Variants in MRPS21 observed in about 807,000 individuals in gnomAD.
MRPS21 encodes mitochondrial ribosomal protein S21.
In MRPS21, 8 loss-of-function variants were observed where a neutral mutation model predicts 9.9. The observed-to-expected ratio is 0.81, with a 90% confidence interval of 0.47 to 1.45. The LOEUF (loss-of-function observed/expected upper bound fraction) is 1.45. Among genes scored for constraint, MRPS21 ranks in the 40% most tolerant of loss-of-function variants. The pLI, the probability that MRPS21 is intolerant of heterozygous loss-of-function variation, is 0.00. For missense variants in MRPS21, 101 were observed against 118.9 expected, an observed-to-expected ratio of 0.85 and a Z score of 0.70; for synonymous variants, 40 against 40.3, an observed-to-expected ratio of 0.99 and a Z score of 0.03.
chr1:150,301,824 C>T (rs1366854173), intron 2 of MRPS21, among the ~76,000 whole-genome samples: 2 of 152,074 alleles, frequency 1.3e-5, no homozygotes, highest in Non-Finnish European at 2.9e-5. Flanking sequence ...TGGTCTCAAA[C>T]TCCTGACCTC....
chr1:150,298,169 A>G (rs1426967530), intron 2 of MRPS21, among the ~76,000 whole-genome samples: 1 of 152,152 alleles, frequency 6.6e-6, no homozygotes, highest in Non-Finnish European at 1.5e-5. Flanking sequence ...CCAACCTCAC[A>G]TGATCCACCC....
intron 2 of MRPS21, among the ~76,000 whole-genome samples, chr1:150,307,276 G>A (rs1654370241): frequency 2.7e-5 from 4 of 150,144 alleles, no homozygotes; most frequent in South Asian, 4.2e-4. Flanking sequence ...TCGAACTCCC[G>A]ACCTCAGGTG....
chr1:150,306,113 C>A (rs1553858479), intron 2 of MRPS21, among the ~76,000 whole-genome samples: 1 of 152,134 alleles, frequency 6.6e-6, no homozygotes, highest in Admixed American at 6.6e-5. Flanking sequence ...TTTTTTAGCA[C>A]CAGAGTGACA....
intron 2 of MRPS21, among the ~76,000 whole-genome samples, chr1:150,300,072 G>C (rs1253187218): frequency 2.6e-5 from 4 of 151,986 alleles, no homozygotes; most frequent in African/African-American, 9.7e-5. Flanking sequence ...GCTGGGCACA[G>C]TGACTCATGC....
intron 2 of MRPS21, among the ~76,000 whole-genome samples, chr1:150,300,677 C>T (rs1280494836): frequency 6.6e-6 from 1 of 152,174 alleles, no homozygotes; most frequent in Non-Finnish European, 1.5e-5. Context: ...AACACCCCCA[C>T]TCCTTCGAGT....
intron 2 of MRPS21, chr1:150,301,475 C>G (rs587765819): frequency 2.3e-5 from 4 of 172,748 alleles, no homozygotes; most frequent in African/African-American, 9.6e-5. Context: ...GCACTCCAGC[C>G]TGGGGGACGA....
At chr1:150,302,055 T>G (rs1219098548) in intron 2 of MRPS21, among the ~76,000 whole-genome samples, 1 of 152,210 alleles carries the variant, frequency 6.6e-6, no homozygotes, top group African/African-American at 2.4e-5. Context: ...TTCCCAAATG[T>G]CCTCTCTCTA....
intron 2 of MRPS21, among the ~76,000 whole-genome samples, chr1:150,307,558 G>A (rs1419131224): frequency 5.3e-5 from 8 of 151,424 alleles, no homozygotes; most frequent in East Asian, 1.9e-4. Flanking sequence ...GGGTTTTGCC[G>A]TGTTGCCCAT....
intron 2 of MRPS21, among the ~76,000 whole-genome samples, chr1:150,306,320 C>G (rs1323174096): frequency 6.6e-6 from 1 of 152,150 alleles, no homozygotes; most frequent in Non-Finnish European, 1.5e-5. Flanking sequence ...GTCTGTTGCC[C>G]AGGCTGGAGT....
In MRPS21 at chr1:150,308,495, T is replaced by C. The variant is rs587721234; in HGVS notation, c.*267T>C. The C allele has an allele frequency of 1.1e-4, 36 of 320,872 alleles. No individual in the cohort carries two copies. The highest frequency in any genetic ancestry group is 1.8e-4 in the Non-Finnish European group (31 of 169,960). 19.9% of individuals were successfully genotyped at this position (320,872 alleles called of 1,614,324 possible). A position where few individuals can be genotyped will look rare whatever the true frequency, so the allele number is the denominator to read the frequency against. On this transcript the variant is annotated 3_prime_UTR_variant, in exon 3 of 3. Coordinates refer to ENST00000614145, the MANE Select transcript of MRPS21 (RefSeq NM_031901.6). ...GGAGGAGGGGGCAGTGAGGAGTTAT[T>C]GTTTAATGGGTACAGAGTTTCAGTT... is the stretch of plus-strand genomic sequence containing the variant.
At chr1:150,305,989 T>C (rs1412205430) in intron 2 of MRPS21, among the ~76,000 whole-genome samples, 3 of 152,196 alleles carry the variant, frequency 2.0e-5, no homozygotes, top group Non-Finnish European at 4.4e-5. Flanking sequence ...TGTGATTTAA[T>C]TGGACTGGGT....
intron 2 of MRPS21, among the ~76,000 whole-genome samples, chr1:150,302,873 T>C (rs918007721): frequency 2.4e-4 from 36 of 152,192 alleles, no homozygotes; most frequent in African/African-American, 8.7e-4. Context: ...CTAGAACGTG[T>C]CGGGTAAGGG....
At chr1:150,301,044 T>A (rs891952962) in intron 2 of MRPS21, among the ~76,000 whole-genome samples, 22 of 145,196 alleles carry the variant, frequency 1.5e-4, no homozygotes, top group African/African-American at 5.4e-4. Flanking sequence ...CTAAAAAAAA[T>A]ACAAAAATTG....
intron 2 of MRPS21, among the ~76,000 whole-genome samples, chr1:150,307,563 G>C (rs1654388112): frequency 6.6e-6 from 1 of 151,516 alleles, no homozygotes; most frequent in Non-Finnish European, 1.5e-5. Context: ...TTGCCGTGTT[G>C]CCCATGCTGA....
chr1:150,298,702 A>G (rs1332729899), intron 2 of MRPS21, among the ~76,000 whole-genome samples: 1 of 152,112 alleles, frequency 6.6e-6, no homozygotes, highest in Admixed American at 6.5e-5. Context: ...CCCGAGTTCA[A>G]GCGATTCTCC....
At chr1:150,299,437 T>TTA (rs1572146190) in intron 2 of MRPS21, among the ~76,000 whole-genome samples, 1 of 150,534 alleles carries the variant, frequency 6.6e-6, no homozygotes, top group East Asian at 1.9e-4. Context: ...CTGTTTTTTT[T>TTA]TCTGTTTTTT....
At chr1:150,302,641 G>A (rs587738198) in intron 2 of MRPS21, among the ~76,000 whole-genome samples, 2 of 152,152 alleles carry the variant, frequency 1.3e-5, no homozygotes, top group African/African-American at 2.4e-5. Flanking sequence ...GTTGCCAGGC[G>A]CCCGAACTCC....
At chr1:150,302,869 C>A (rs141377393) in intron 2 of MRPS21, among the ~76,000 whole-genome samples, 2 of 152,096 alleles carry the variant, frequency 1.3e-5, no homozygotes, top group Non-Finnish European at 2.9e-5. Flanking sequence ...ATGACTAGAA[C>A]GTGTCGGGTA....
At chr1:150,298,215 G>C (rs1273447361) in intron 2 of MRPS21, among the ~76,000 whole-genome samples, 1 of 152,214 alleles carries the variant, frequency 6.6e-6, no homozygotes, top group Admixed American at 6.5e-5. Flanking sequence ...TTACAGGCTT[G>C]AGCCACTGCA....
Sources: gnomAD v4.1 joint callset for allele counts (sites outside exome capture counted in the v4.1 genomes callset) on GRCh38, gnomAD v4.1.1 for gene constraint, MANE v1.5 for transcripts, NCBI Gene and HGNC (gene_info 2026-07-23, HGNC 2026-07-21) for gene names.